The following MDGA2 variants were observed in gnomAD, a reference collection of about 807,000 sequenced individuals.
The protein encoded by MDGA2 is MAM domain containing glycosylphosphatidylinositol anchor 2, also known as MAM domain-containing glycosylphosphatidylinositol anchor protein 2.
A neutral mutation model predicts 117.8 loss-of-function variants in MDGA2; 40 were observed. That is an observed-to-expected ratio of 0.34 (90% CI 0.26 to 0.44). MDGA2 has a LOEUF of 0.44. Among genes scored for constraint, MDGA2 ranks in the 20% least tolerant of loss-of-function variants. MDGA2 has a pLI of 1.00. For missense variants in MDGA2, 1,123 were observed against 1,250.6 expected, an observed-to-expected ratio of 0.90 and a Z score of 1.54; for synonymous variants, 452 against 439.0, an observed-to-expected ratio of 1.03 and a Z score of -0.37.
intron 6 of MDGA2, among the ~76,000 whole-genome samples, chr14:47,074,134 A>G (rs1411741931): frequency 1.3e-5 from 1 of 75,048 alleles, no homozygotes; most frequent in East Asian, 5.4e-4. Flanking sequence ...ATCATTAATT[A>G]AAACAAAGCA....
chr14:47,533,597 T>G (rs1372039569), intron 1 of MDGA2, among the ~76,000 whole-genome samples: 1 of 152,140 alleles, frequency 6.6e-6, no homozygotes, highest in East Asian at 1.9e-4. Context: ...CCACCACATA[T>G]TAGAATATAA....
chr14:47,551,015 G>A (rs750436071), intron 1 of MDGA2, among the ~76,000 whole-genome samples: 5 of 152,104 alleles, frequency 3.3e-5, no homozygotes, highest in Non-Finnish European at 5.9e-5. Context: ...AGCACAAATA[G>A]AGTCTTATTA....
intron 1 of MDGA2, among the ~76,000 whole-genome samples, chr14:47,456,982 T>C (rs991098614): frequency 6.6e-6 from 1 of 152,098 alleles, no homozygotes; most frequent in South Asian, 2.1e-4. Flanking sequence ...TATAATAAGA[T>C]CTTTAGAACC....
At position 47,136,382 on chromosome 14, in the gene MDGA2, A is replaced by G. The variant is rs993133128; in HGVS notation, c.793-4536T>C. On this transcript the variant is annotated intron_variant, in intron 4 of 16. Transcript: ENST00000399232. ...GGGATAATTTTTATATTTTTAGTAGAGACGGGATTTCACCATATTGACCAG... is the reference window on the plus strand; with the variant it reads ...GGGATAATTTTTATATTTTTAGTAGGGACGGGATTTCACCATATTGACCAG... Among the ~76,000 whole-genome samples, 193 of 151,760 alleles carry G rather than the reference A, an allele frequency of 1.3e-3. 1 individual carries two copies. Among genetic ancestry groups the G allele is most frequent in the Non-Finnish European group, 2.1e-3 (146 of 67,936 alleles).
At chr14:47,098,544 CAA>C (rs201837996) in intron 5 of MDGA2, among the ~76,000 whole-genome samples, 2,829 of 151,646 alleles carry the variant, frequency 0.019, 88 homozygotes, top group African/African-American at 0.065. Flanking sequence ...AAAAAAACCT[CAA>C]AGAGTTATTT....
intron 7 of MDGA2, among the ~76,000 whole-genome samples, chr14:47,041,384 T>C (rs1889062727): frequency 6.6e-6 from 1 of 152,128 alleles, no homozygotes; most frequent in Non-Finnish European, 1.5e-5. Flanking sequence ...ACGTATCAAA[T>C]TTAGCATAAA....
At chr14:47,197,366 C>T (rs1412682857) in intron 3 of MDGA2, among the ~76,000 whole-genome samples, 1 of 151,962 alleles carries the variant, frequency 6.6e-6, no homozygotes, top group Admixed American at 6.6e-5. Flanking sequence ...TGTTCTCCAC[C>T]ATGTGAAGAC....
intron 1 of MDGA2, among the ~76,000 whole-genome samples, chr14:47,365,917 C>T (rs1194849671): frequency 2.0e-5 from 3 of 152,204 alleles, no homozygotes; most frequent in East Asian, 1.9e-4. Flanking sequence ...ATACTTCTAA[C>T]TCTTTCGTCA....
intron 1 of MDGA2, among the ~76,000 whole-genome samples, chr14:47,354,647 T>C (rs890676910): frequency 6.6e-6 from 1 of 152,202 alleles, no homozygotes; most frequent in Non-Finnish European, 1.5e-5. Flanking sequence ...CTTTGAGAAC[T>C]ATCCCCAACA....
At chr14:47,208,475 C>T (rs1022636969) in intron 3 of MDGA2, among the ~76,000 whole-genome samples, 5 of 151,372 alleles carry the variant, frequency 3.3e-5, no homozygotes, top group Admixed American at 2.0e-4. Context: ...TTTTTATATT[C>T]AAACCATTTT....
chr14:47,502,320 C>T (rs1445911322), intron 1 of MDGA2, among the ~76,000 whole-genome samples: 1 of 152,060 alleles, frequency 6.6e-6, no homozygotes, highest in Non-Finnish European at 1.5e-5. Context: ...GTGAGACCCT[C>T]ATTTCTAAAA....
chr14:47,382,716 G>C (rs568823080), intron 1 of MDGA2, among the ~76,000 whole-genome samples: 4 of 152,302 alleles, frequency 2.6e-5, no homozygotes, highest in Admixed American at 6.5e-5. Flanking sequence ...AGGTGCTGGA[G>C]AGGATGTGGA....
intron 2 of MDGA2, among the ~76,000 whole-genome samples, chr14:47,272,997 G>T (rs924458474): frequency 3.3e-5 from 5 of 152,088 alleles, no homozygotes; most frequent in South Asian, 2.1e-4. Context: ...ACTCTAAGGA[G>T]CCTGAAGCAA....
chr14:47,106,637 T>C (rs1880701588), intron 5 of MDGA2, among the ~76,000 whole-genome samples: 3 of 152,042 alleles, frequency 2.0e-5, no homozygotes, highest in South Asian at 4.1e-4. Context: ...CCAGATCTTC[T>C]CGGCTTAGCA....
chr14:47,421,942 T>C (rs1223542505), intron 1 of MDGA2, among the ~76,000 whole-genome samples: 1 of 151,256 alleles, frequency 6.6e-6, no homozygotes, highest in African/African-American at 2.4e-5. Context: ...AAAAATCATG[T>C]GCTTGACAAT....
At chr14:47,093,416 C>T (rs999715514) in intron 6 of MDGA2, among the ~76,000 whole-genome samples, 5 of 151,950 alleles carry the variant, frequency 3.3e-5, no homozygotes, top group African/African-American at 7.2e-5. Context: ...CTAAATAGAA[C>T]GAATCATGAA....
At chr14:47,511,880 C>A (rs1894648583) in intron 1 of MDGA2, among the ~76,000 whole-genome samples, 1 of 152,118 alleles carries the variant, frequency 6.6e-6, no homozygotes, top group Non-Finnish European at 1.5e-5. Context: ...TGAAGGTGAA[C>A]AACTTATGGC....
chr14:46,869,006 C>CT (rs1383915097), intron 14 of MDGA2, among the ~76,000 whole-genome samples: 1 of 152,002 alleles, frequency 6.6e-6, no homozygotes, highest in Admixed American at 6.6e-5. Flanking sequence ...AGCCAGAGCT[C>CT]TAAATTCCCA....
At chr14:47,492,760 T>G (rs1255673531) in intron 1 of MDGA2, among the ~76,000 whole-genome samples, 2 of 151,826 alleles carry the variant, frequency 1.3e-5, no homozygotes, top group South Asian at 2.1e-4. Flanking sequence ...ATACAAGAAA[T>G]TTTTTTTACT....
Sources: allele counts gnomAD v4.1 joint callset (sites outside exome capture counted in the v4.1 genomes callset), GRCh38; gene constraint gnomAD v4.1.1; transcripts MANE v1.5; gene names NCBI Gene and HGNC (gene_info 2026-07-23, HGNC 2026-07-21).